PPEF1: variants seen among roughly 807,000 people sequenced by gnomAD.
PPEF1 encodes the protein protein phosphatase with EF-hand domain 1.
PPEF1 carries 12 observed loss-of-function variants against 53.3 expected under a neutral mutation model. That is an observed-to-expected ratio of 0.23 (90% confidence interval 0.14 to 0.36). The LOEUF is 0.36. Ranked by LOEUF, PPEF1 falls within the 10% of genes least tolerant of loss-of-function variation. The probability of loss-of-function intolerance (pLI) is 1.00; values close to 1 mark genes in which losing one functional copy is unlikely to be tolerated. For missense variants in PPEF1, 334 were observed against 490.4 expected, an observed-to-expected ratio of 0.68 and a Z score of 3.01; for synonymous variants, 165 against 176.7, an observed-to-expected ratio of 0.93 and a Z score of 0.52.
chrX:18,676,336 G>A (rs925695868), intron 1 of PPEF1, among the ~76,000 whole-genome samples: 2 of 110,861 alleles, frequency 1.8e-5, no homozygotes, highest in Admixed American at 1.9e-4. Flanking sequence ...GCAGTTATCT[G>A]CCATGTAATC....
chrX:18,809,091 A>G (rs956542975), intron 12 of PPEF1, among the ~76,000 whole-genome samples: 6 of 96,811 alleles, frequency 6.2e-5, no homozygotes, highest in Non-Finnish European at 1.2e-4. Context: ...ATATCACATT[A>G]TATCTATCTA....
intron 6 of PPEF1, among the ~76,000 whole-genome samples, chrX:18,766,694 C>T (rs913574248): frequency 8.9e-6 from 1 of 112,217 alleles, no homozygotes; most frequent in African/African-American, 3.2e-5. Context: ...ACCCACCCCA[C>T]AGCAGATTAG....
At chrX:18,803,822 A>G (rs2046601166) in intron 10 of PPEF1, 70 bp from the exon 11 acceptor site, 2 of 966,490 alleles carry the variant, frequency 2.1e-6, no homozygotes, top group Non-Finnish European at 2.8e-6. Context: ...ATTTCTGACA[A>G]ATAAGTTGGA....
At chrX:18,808,139 G>GA (rs1236290353) in intron 12 of PPEF1, among the ~76,000 whole-genome samples, 1 of 107,848 alleles carries the variant, frequency 9.3e-6, no homozygotes, top group East Asian at 2.9e-4. Context: ...GCTAATTTTT[G>GA]TTTTTTTAGT....
At chrX:18,739,500 C>T (rs761962170) in intron 3 of PPEF1, among the ~76,000 whole-genome samples, 8 of 111,784 alleles carry the variant, frequency 7.2e-5, no homozygotes, top group East Asian at 5.6e-4. Context: ...CTGGAAACTT[C>T]GTCTCAGAGG....
chrX:18,815,718 T>C (rs1180669459), intron 12 of PPEF1, among the ~76,000 whole-genome samples: 1 of 110,870 alleles, frequency 9.0e-6, no homozygotes, highest in African/African-American at 3.3e-5. Flanking sequence ...TTCTTTTTTT[T>C]CTTGGACATT....
intron 12 of PPEF1, among the ~76,000 whole-genome samples, 178 bp from the exon 13 acceptor site, chrX:18,817,861 A>G (rs2046952377): frequency 9.0e-6 from 1 of 111,384 alleles, no homozygotes; most frequent in Non-Finnish European, 1.9e-5. Flanking sequence ...GCATGTGTGC[A>G]TGCACACACA....
chrX:18,768,274 A>G (rs1372310074), intron 6 of PPEF1, among the ~76,000 whole-genome samples: 1 of 112,548 alleles, frequency 8.9e-6, no homozygotes, highest in Non-Finnish European at 1.9e-5. Context: ...TGACTAACTG[A>G]TTCTCTCCAT....
rs770177820 is a variant in PPEF1 at position 18,736,302 on chromosome X, C to T, written c.235+2494C>T. 2.1e-4 allele frequency among the ~76,000 whole-genome samples: 23 copies of T among 111,663 alleles called. No homozygotes were observed. The East Asian group carries it at 4.5e-3, about 22-fold the overall frequency. ...GCTGTCATTATTTTGAGATACGTCCCATCAATACCTAGTTTATTAAGAGTT... is the reference window on the plus strand; with the variant it reads ...GCTGTCATTATTTTGAGATACGTCCTATCAATACCTAGTTTATTAAGAGTT... On this transcript the variant is annotated intron_variant, in intron 3 of 15. Coordinates refer to ENST00000470157, the MANE Select transcript of PPEF1 (RefSeq NM_001377996.1).
Position 18,827,600 on chromosome X carries a change from CA to C in PPEF1, c.*115del. 1 of 588,242 alleles carries C rather than the reference CA, an allele frequency of 1.7e-6. No homozygotes were observed. The highest frequency in any genetic ancestry group is 2.7e-6 in the Non-Finnish European group (1 of 368,215). 48.5% of individuals were successfully genotyped at this position (588,242 alleles called of 1,213,427 possible). On this transcript the variant is annotated 3_prime_UTR_variant, in exon 16 of 16. Transcript: ENST00000470157. ...GTCAGTAGCAGAGAAAAGCAGATCC[CA>C]ATTCATCCCACAAACAGATGCATAG...
intron 6 of PPEF1, among the ~76,000 whole-genome samples, chrX:18,767,552 TAAG>T (rs772501818): frequency 2.8e-4 from 31 of 111,515 alleles, no homozygotes; most frequent in Non-Finnish European, 4.3e-4. Context: ...CTGAAAAAAA[TAAG>T]AAGAAGTAAA....
intron 4 of PPEF1, among the ~76,000 whole-genome samples, chrX:18,696,546 C>A (rs1929734919): frequency 1.8e-5 from 2 of 111,557 alleles, no homozygotes; most frequent in African/African-American, 6.5e-5. Context: ...CTGCTGAACT[C>A]ATTTATTGTG....
chrX:18,759,002 C>A (rs2045604109), intron 5 of PPEF1, among the ~76,000 whole-genome samples: 1 of 111,192 alleles, frequency 9.0e-6, no homozygotes, highest in Non-Finnish European at 1.9e-5. Context: ...GTGGCAGGAT[C>A]AGAATTAAAA....
chrX:18,738,633 T>C (rs2045057975), intron 3 of PPEF1, among the ~76,000 whole-genome samples: 2 of 111,623 alleles, frequency 1.8e-5, no homozygotes, highest in Middle Eastern at 4.6e-3. Flanking sequence ...GGAGTATCTT[T>C]GTGGCATTCT....
chrX:18,715,036 G>A (rs1475106678), intron 1 of PPEF1, among the ~76,000 whole-genome samples: 2 of 111,765 alleles, frequency 1.8e-5, no homozygotes, highest in Admixed American at 9.5e-5. Context: ...ATATAAAATC[G>A]AGGCTATTCC....
At chrX:18,745,089 ATATATAT>A (rs1408223680) in intron 3 of PPEF1, among the ~76,000 whole-genome samples, 5 of 96,041 alleles carry the variant, frequency 5.2e-5, no homozygotes, top group Non-Finnish European at 4.0e-5. Context: ...TTTATATGGA[ATATATAT>A]TATATATTAT....
chrX:18,738,713 A>T lies in PPEF1; in HGVS notation c.235+4905A>T, dbSNP rs752921842. Among the ~76,000 whole-genome samples, 241 of 112,516 alleles carry T rather than the reference A, an allele frequency of 2.1e-3. 2 individuals carry two copies. The highest frequency in any genetic ancestry group is 7.4e-3 in the African/African-American group (229 of 31,014). ...GGAAGTTCTCCTGGATAATATCCTG[A>T]AGAGTGTTTTCCAACTTGGTTCCAT... On this transcript the variant is annotated intron_variant, in intron 3 of 15. Coordinates refer to ENST00000470157, the MANE Select transcript of PPEF1 (RefSeq NM_001377996.1).
At chrX:18,776,965 C>T (rs1272353941) in intron 6 of PPEF1, among the ~76,000 whole-genome samples, 2 of 112,422 alleles carry the variant, frequency 1.8e-5, no homozygotes, top group African/African-American at 6.5e-5. Flanking sequence ...TTAGAAATAA[C>T]ATGGTCATAA....
intron 1 of PPEF1, among the ~76,000 whole-genome samples, chrX:18,722,988 A>AT (rs34364348): frequency 0.053 from 5,409 of 101,920 alleles, 336 homozygotes; most frequent in African/African-American, 0.15. Context: ...TAATTTGTGA[A>AT]TTTTTTTTTT....
Sources: allele counts gnomAD v4.1 joint callset (sites outside exome capture counted in the v4.1 genomes callset), GRCh38; gene constraint gnomAD v4.1.1; transcripts MANE v1.5; gene names NCBI Gene and HGNC (gene_info 2026-07-23, HGNC 2026-07-21).